SLC14A2: variants seen among roughly 807,000 people sequenced by gnomAD.
SLC14A2 encodes the protein solute carrier family 14 member 2, also known as urea transporter 2.
A neutral mutation model predicts 104.6 loss-of-function variants in SLC14A2; 91 were observed. The ratio of observed to expected loss-of-function variants is 0.87; its 90% confidence interval spans 0.73 to 1.04. SLC14A2 has a LOEUF of 1.04. SLC14A2 is among the 50% of genes least tolerant of loss of function. The pLI, the probability that SLC14A2 is intolerant of heterozygous loss-of-function variation, is 0.00. For missense variants in SLC14A2, 1,189 were observed against 1,156.0 expected (o/e 1.03, Z -0.41); for synonymous variants, 476 against 466.4 (o/e 1.02, Z -0.27).
At chr18:45,418,854 G>C (rs187235718) in intron 1 of SLC14A2, among the ~76,000 whole-genome samples, 56 of 152,222 alleles carry the variant, frequency 3.7e-4, no homozygotes, top group East Asian at 1.9e-4. Context: ...GAAAAAAAAG[G>C]CATCTCCATT....
At chr18:45,382,954 G>A (rs538337296) in intron 1 of SLC14A2, among the ~76,000 whole-genome samples, 1 of 152,160 alleles carries the variant, frequency 6.6e-6, no homozygotes, top group African/African-American at 2.4e-5. Context: ...GGTTGATATT[G>A]GTTGTCTCCA....
intron 1 of SLC14A2, among the ~76,000 whole-genome samples, chr18:45,283,753 T>C (rs2084786394): frequency 6.6e-6 from 1 of 152,178 alleles, no homozygotes; most frequent in African/African-American, 2.4e-5. Context: ...TTTTTAGATA[T>C]AGAGATATGC....
intron 1 of SLC14A2, among the ~76,000 whole-genome samples, chr18:45,227,053 A>G (rs1223351091): frequency 2.6e-5 from 4 of 152,120 alleles, no homozygotes; most frequent in African/African-American, 9.7e-5. Flanking sequence ...GGAAGAAGGA[A>G]AGGAGAAAAA....
intron 18 of SLC14A2, among the ~76,000 whole-genome samples, chr18:45,674,049 C>T (rs373533906): frequency 6.6e-6 from 1 of 152,178 alleles, no homozygotes; most frequent in Non-Finnish European, 1.5e-5. Flanking sequence ...GGCTGAGCAA[C>T]TCTTATGCAG....
Position 45,678,397 on chromosome 18 carries a change from G to A in SLC14A2, c.2513-578G>A, listed in dbSNP as rs117211843. Reference sequence around the variant, plus strand: ...TAAGGACAATTGGGATGCTCTCAGCGAGAAATGAAGGGTTTGGAAGCAAAG... The same window carrying A: ...TAAGGACAATTGGGATGCTCTCAGCAAGAAATGAAGGGTTTGGAAGCAAAG... On this transcript the variant is annotated intron_variant, in intron 18 of 19. Transcript: ENST00000255226. Among the ~76,000 whole-genome samples the A allele has an allele frequency of 1.2e-3, 180 of 152,228 alleles. 2 individuals carry two copies. Among genetic ancestry groups the A allele is most frequent in the South Asian group, 3.3e-3 (16 of 4,826 alleles).
intron 1 of SLC14A2, among the ~76,000 whole-genome samples, chr18:45,261,814 A>T (rs1043773596): frequency 2.0e-5 from 3 of 152,080 alleles, no homozygotes; most frequent in Non-Finnish European, 4.4e-5. Flanking sequence ...TCATTGTTGG[A>T]CATTTGGGTT....
chr18:45,206,497 T>A, the SLC14A2 span, among the ~76,000 whole-genome samples: 1 of 152,162 alleles, frequency 6.6e-6, no homozygotes, highest in African/African-American at 2.4e-5. Flanking sequence ...TCAGCGAGGT[T>A]AGCCTTACTG....
intron 1 of SLC14A2, among the ~76,000 whole-genome samples, chr18:45,275,899 A>G (rs1427517268): frequency 3.3e-5 from 5 of 152,234 alleles, no homozygotes; most frequent in Non-Finnish European, 7.3e-5. Flanking sequence ...GAGAAATGCT[A>G]AGAAGAAAAA....
At chr18:45,380,978 C>T (rs2085828568) in intron 1 of SLC14A2, among the ~76,000 whole-genome samples, 1 of 152,210 alleles carries the variant, frequency 6.6e-6, no homozygotes, top group African/African-American at 2.4e-5. Flanking sequence ...TATGTAGCTC[C>T]TTTGTCCAGC....
At chr18:45,168,850 A>T in the SLC14A2 span, 1 of 152,206 alleles carries the variant, frequency 6.6e-6, no homozygotes, top group Non-Finnish European at 1.5e-5. Context: ...TTTCATTATA[A>T]AATCTCCTGC....
At chr18:45,242,396 T>G (rs2084327184) in intron 1 of SLC14A2, among the ~76,000 whole-genome samples, 1 of 152,188 alleles carries the variant, frequency 6.6e-6, no homozygotes, top group Non-Finnish European at 1.5e-5. Flanking sequence ...GCAGCCCTTT[T>G]GAGCAAACAA....
At chr18:45,485,187 T>C (rs2087577387) in intron 2 of SLC14A2, 1 of 152,180 alleles carries the variant, frequency 6.6e-6, no homozygotes, top group Non-Finnish European at 1.5e-5. Context: ...ATAATGACCA[T>C]GATGATCACA....
At chr18:45,334,881 G>A (rs547583738) in intron 1 of SLC14A2, among the ~76,000 whole-genome samples, 2 of 152,284 alleles carry the variant, frequency 1.3e-5, no homozygotes, top group African/African-American at 4.8e-5. Flanking sequence ...GGTCTACCCA[G>A]AAAGCCCTGT....
intron 1 of SLC14A2, among the ~76,000 whole-genome samples, chr18:45,433,124 T>C (rs564563898): frequency 8.5e-5 from 13 of 152,200 alleles, no homozygotes; most frequent in Non-Finnish European, 1.5e-4. Flanking sequence ...TCAATATGGA[T>C]TAGATAGACA....
chr18:45,295,302 A>T (rs940826120), intron 1 of SLC14A2, among the ~76,000 whole-genome samples: 12 of 146,906 alleles, frequency 8.2e-5, no homozygotes, highest in Admixed American at 4.1e-4. Flanking sequence ...TTTTTAAAGC[A>T]TTTTTTTTTT....
intron 1 of SLC14A2, among the ~76,000 whole-genome samples, chr18:45,357,398 C>G (rs923778971): frequency 2.6e-5 from 4 of 151,826 alleles, no homozygotes; most frequent in African/African-American, 9.7e-5. Flanking sequence ...GATACTTGAG[C>G]CCAGGAGTTC....
chr18:45,566,515 G>GCGCACA (rs1406094184), intron 2 of SLC14A2, among the ~76,000 whole-genome samples: 4 of 149,972 alleles, frequency 2.7e-5, no homozygotes, highest in African/African-American at 9.8e-5. Flanking sequence ...GCTCACGCTC[G>GCGCACA]CACACACACA....
intron 18 of SLC14A2, among the ~76,000 whole-genome samples, chr18:45,674,093 G>A (rs573224068): frequency 3.3e-5 from 5 of 152,204 alleles, no homozygotes; most frequent in East Asian, 3.9e-4. Flanking sequence ...GGTGATTTAC[G>A]TCTTCTACAG....
At chr18:45,570,227 C>G (rs1208957892) in intron 2 of SLC14A2, among the ~76,000 whole-genome samples, 7 of 152,168 alleles carry the variant, frequency 4.6e-5, no homozygotes, top group Non-Finnish European at 8.8e-5. Flanking sequence ...TGACTTTAAA[C>G]CTGTCACTCA....
Sources: gnomAD v4.1 joint callset for allele counts (sites outside exome capture counted in the v4.1 genomes callset) on GRCh38, gnomAD v4.1.1 for gene constraint, MANE v1.5 for transcripts, NCBI Gene and HGNC (gene_info 2026-07-23, HGNC 2026-07-21) for gene names.